The following NBEA variants were observed in gnomAD, a reference collection of about 807,000 sequenced individuals.
The protein encoded by NBEA is neurobeachin.
Under a neutral mutation model 343.4 loss-of-function variants are expected in NBEA, and 44 were observed. The ratio of observed to expected loss-of-function variants is 0.13; its 90% CI spans 0.10 to 0.16. The LOEUF (loss-of-function observed/expected upper bound fraction) is 0.16, where lower values mean the gene tolerates loss of function less well. Among genes scored for constraint, NBEA ranks in the 10% least tolerant of loss-of-function variants. The probability of loss-of-function intolerance (pLI) is 1.00; values close to 1 mark genes in which losing one functional copy is unlikely to be tolerated. For missense variants in NBEA, 2,555 were observed against 3,631.3 expected (o/e 0.70, Z 7.62); for synonymous variants, 1,175 against 1,238.7 (o/e 0.95, Z 1.08).
chr13:35,671,116 C>A lies in NBEA; in HGVS notation c.*125C>A. ...CGTTTGTACATTCCATCACACCCAG[C>A]AATAGCTGTACATTGTAGTCAGCAA... On this transcript the variant is annotated 3_prime_UTR_variant, in exon 59 of 59. Coordinates refer to ENST00000379939, the MANE Select transcript of NBEA (RefSeq NM_001385012.1). The A allele has an allele frequency of 1.5e-6, 1 of 651,740 alleles. No homozygotes were observed. The highest frequency in any genetic ancestry group is 2.7e-6 in the Non-Finnish European group (1 of 369,758). The allele number at this position is 651,740 out of a possible 1,614,324, so 40.4% of individuals were successfully genotyped here.
At chr13:35,669,115 A>T (rs2085488750) in intron 58 of NBEA, among the ~76,000 whole-genome samples, 2 of 152,226 alleles carry the variant, frequency 1.3e-5, no homozygotes, top group Admixed American at 6.5e-5. Context: ...GAAAGAGTTG[A>T]TATGGATGTT....
intron 36 of NBEA, among the ~76,000 whole-genome samples, chr13:35,328,268 T>C: frequency 6.6e-6 from 1 of 152,020 alleles, no homozygotes; most frequent in East Asian, 1.9e-4. Context: ...ACCATTATAA[T>C]AGTATCAAAA....
At chr13:35,361,198 T>A (rs751410779) in intron 38 of NBEA, among the ~76,000 whole-genome samples, 1 of 151,986 alleles carries the variant, frequency 6.6e-6, no homozygotes, top group African/African-American at 2.4e-5. Context: ...AGAAAAATAA[T>A]TGGCAACCCA....
chr13:35,414,145 A>C (rs2043754280), intron 38 of NBEA, among the ~76,000 whole-genome samples: 1 of 152,162 alleles, frequency 6.6e-6, no homozygotes, highest in Admixed American at 6.6e-5. Flanking sequence ...GAGCAGTCAG[A>C]ATATACTGAC....
chr13:35,585,707 A>G (rs1258866109), intron 46 of NBEA, among the ~76,000 whole-genome samples: 2 of 151,970 alleles, frequency 1.3e-5, no homozygotes, highest in Non-Finnish European at 2.9e-5. Context: ...CAGCATTTCA[A>G]TAAATGAACT....
At position 34,994,231 on chromosome 13, in the gene NBEA, T is replaced by C. The variant is rs141438604; in HGVS notation, c.295-46702T>C. 7.6e-3 allele frequency among the ~76,000 whole-genome samples: 1,106 copies of C among 144,978 alleles called. 7 individuals carry two copies. Among genetic ancestry groups the C allele is most frequent in the Non-Finnish European group, 0.01 (692 of 65,958 alleles). On this transcript the variant is annotated intron_variant, in intron 1 of 58. Coordinates refer to ENST00000379939, the MANE Select transcript of NBEA (RefSeq NM_001385012.1). The stretch of plus-strand genomic sequence containing the variant: ...AAAAAAAAAAAAAAAAAAAAAGTTC[T>C]ATAAGAAAAAAGTAAATAAATGGAG...
chr13:35,202,537 G>A (rs2073093033), intron 31 of NBEA, among the ~76,000 whole-genome samples: 1 of 152,110 alleles, frequency 6.6e-6, no homozygotes, highest in Admixed American at 6.6e-5. Flanking sequence ...AAACCATGAT[G>A]TACACAGATA....
chr13:35,627,380 T>C (rs1388200664), intron 48 of NBEA, among the ~76,000 whole-genome samples: 2 of 152,300 alleles, frequency 1.3e-5, no homozygotes, highest in East Asian at 3.9e-4. Flanking sequence ...CAAGACTCCC[T>C]ACCTACCTGT....
intron 36 of NBEA, among the ~76,000 whole-genome samples, chr13:35,310,736 T>C (rs980122929): frequency 6.6e-6 from 1 of 152,196 alleles, no homozygotes; most frequent in Non-Finnish European, 1.5e-5. Flanking sequence ...TGGAATATGA[T>C]GATTATTTGG....
At chr13:35,326,316 C>T (rs903151650) in intron 36 of NBEA, among the ~76,000 whole-genome samples, 2 of 152,030 alleles carry the variant, frequency 1.3e-5, no homozygotes, top group African/African-American at 4.8e-5. Context: ...TTTCTTTCAG[C>T]AGTGGTTTAT....
intron 13 of NBEA, among the ~76,000 whole-genome samples, chr13:35,116,501 T>A (rs773073694): frequency 1.3e-5 from 2 of 152,148 alleles, no homozygotes; most frequent in Admixed American, 1.3e-4. Flanking sequence ...TGGAGAGCAG[T>A]CTGGGAAATA....
At chr13:35,232,653 C>G in intron 34 of NBEA, 34 bp downstream of exon 34, 1 of 1,398,426 alleles carries the variant, frequency 7.2e-7, no homozygotes, top group East Asian at 2.6e-5. Context: ...TTTTAGTTTC[C>G]TATAATGTAT....
chr13:35,004,620 T>A (rs1370459769), intron 1 of NBEA, among the ~76,000 whole-genome samples: 1 of 152,226 alleles, frequency 6.6e-6, no homozygotes, highest in Non-Finnish European at 1.5e-5. Flanking sequence ...GGGATATCGC[T>A]GTATTTTTCT....
Position 35,555,021 on chromosome 13 carries a change from A to G in NBEA, c.6841A>G (p.Lys2281Glu). Residue 2281 changes from lysine to glutamate, a missense_variant, in exon 44 of 59, where the codon AAA (lysine) becomes GAA (glutamate). Around this residue, in one of 21 missense-constraint regions of NBEA, gnomAD observed 38 missense variants for 97.2 expected, o/e 0.39. Coordinates refer to ENST00000379939, the MANE Select transcript of NBEA (RefSeq NM_001385012.1). ...ATTGGCCACTCCTCGACAGCTTTAT[A>G]AATCTTCCAATATGACTCAGCGCTG... ...ISLATPRQLY[K>E]SSNMTQRWQR... 1 of 1,612,048 alleles carries G rather than the reference A, an allele frequency of 6.2e-7. No homozygotes were observed.
chr13:35,046,977 T>C (rs2062879288), intron 4 of NBEA, among the ~76,000 whole-genome samples: 1 of 152,114 alleles, frequency 6.6e-6, no homozygotes, highest in African/African-American at 2.4e-5. Context: ...TTTAAAAAAT[T>C]CGGTTGTTTT....
chr13:35,494,581 G>A (rs561949689), intron 41 of NBEA, among the ~76,000 whole-genome samples: 25 of 151,730 alleles, frequency 1.6e-4, no homozygotes, highest in African/African-American at 6.0e-4. Context: ...AACAAGTGAA[G>A]GAATGGCAAA....
At chr13:35,001,266 T>G (rs2152524581) in intron 1 of NBEA, among the ~76,000 whole-genome samples, 1 of 152,226 alleles carries the variant, frequency 6.6e-6, no homozygotes, top group South Asian at 2.1e-4. Context: ...GTATGGAAGT[T>G]TCTCAAATAA....
chr13:35,418,561 C>A (rs1254481747), intron 38 of NBEA, among the ~76,000 whole-genome samples: 3 of 151,766 alleles, frequency 2.0e-5, no homozygotes, highest in Non-Finnish European at 4.4e-5. Context: ...AAAATAGATG[C>A]TCAGTAAATA....
At chr13:35,146,708 C>A (rs888271826) in intron 18 of NBEA, among the ~76,000 whole-genome samples, 2 of 152,062 alleles carry the variant, frequency 1.3e-5, no homozygotes, top group Non-Finnish European at 2.9e-5. Flanking sequence ...GGTGAAGCAT[C>A]CCTCTGGGTG....
Sources: allele counts gnomAD v4.1 joint callset (sites outside exome capture counted in the v4.1 genomes callset), GRCh38; gene constraint gnomAD v4.1.1; regional missense constraint gnomAD v4.1.1; transcripts MANE v1.5; gene names NCBI Gene and HGNC (gene_info 2026-07-23, HGNC 2026-07-21).